NMNAT1: variants seen among roughly 807,000 people sequenced by gnomAD.
The protein encoded by NMNAT1 is nicotinamide nucleotide adenylyltransferase 1.
A neutral mutation model predicts 16.7 loss-of-function variants in NMNAT1; 11 were observed. The ratio of observed to expected loss-of-function variants is 0.66; its 90% confidence interval spans 0.41 to 1.09. The LOEUF is 1.09. Ranked by LOEUF, NMNAT1 falls within the 50% of genes least tolerant of loss-of-function variation. The pLI, the probability that NMNAT1 is intolerant of heterozygous loss-of-function variation, is 0.00. For missense variants in NMNAT1, 280 were observed against 332.3 expected, an observed-to-expected ratio of 0.84 and a Z score of 1.22; for synonymous variants, 110 against 119.8, an observed-to-expected ratio of 0.92 and a Z score of 0.53.
the NMNAT1 span, among the ~76,000 whole-genome samples, chr1:9,996,764 A>T: frequency 6.6e-6 from 1 of 152,132 alleles, no homozygotes; most frequent in Non-Finnish European, 1.5e-5. Context: ...CACCAGAGTC[A>T]CAGAGACGAA....
At chr1:9,976,938 C>G (rs1210729450) in intron 3 of NMNAT1, among the ~76,000 whole-genome samples, 2 of 148,138 alleles carry the variant, frequency 1.4e-5, no homozygotes, top group Non-Finnish European at 3.0e-5. Context: ...TAGAGGTTCA[C>G]TCTTGTTGCC....
At chr1:9,996,309 C>CAAAA in the NMNAT1 span, among the ~76,000 whole-genome samples, 1 of 101,914 alleles carries the variant, frequency 9.8e-6, no homozygotes, top group African/African-American at 3.8e-5. Context: ...GACTCCGTCT[C>CAAAA]AAAAAAAAAA....
rs201530407 is a variant in NMNAT1, at chr1:9,972,131, A to G, written c.58A>G (p.Ile20Val). ...VLLACGSFNP[I>V]TNMHLRLFEL... The stretch of plus-strand genomic sequence containing the variant: ...CCTTGCTTGTGGTTCATTCAATCCC[A>G]TCACCAACATGCACCTCAGGTTGTT... The change falls in exon 2 of 5, where the codon ATC becomes GTC. Residue 20 changes from isoleucine (I) to valine (V), a missense_variant. Physicochemically the swap from Ile to Val is conservative, Grantham distance 29. Transcript: ENST00000377205. 29 of 1,612,708 alleles carry G rather than the reference A, an allele frequency of 1.8e-5. No homozygotes were observed. The highest frequency in any genetic ancestry group is 2.4e-5 in the Non-Finnish European group (28 of 1,178,758).
intron 3 of NMNAT1, among the ~76,000 whole-genome samples, chr1:9,977,675 T>G (rs1641845680): frequency 6.6e-6 from 1 of 151,918 alleles, no homozygotes; most frequent in Non-Finnish European, 1.5e-5. Context: ...AAGACAAGCC[T>G]GGCCAACATG....
At chr1:9,968,329 C>T (rs981416690) in intron 1 of NMNAT1, among the ~76,000 whole-genome samples, 3 of 151,382 alleles carry the variant, frequency 2.0e-5, no homozygotes, top group Non-Finnish European at 4.4e-5. Flanking sequence ...ATCTTGGCCT[C>T]CCAAAGTGCT....
At chr1:9,948,788 A>G (rs528725611) in intron 1 of NMNAT1, among the ~76,000 whole-genome samples, 39 of 151,586 alleles carry the variant, frequency 2.6e-4, no homozygotes, top group African/African-American at 8.9e-4. Context: ...TAGCTGGTAC[A>G]GGCACCCGCC....
chr1:9,989,083 A>C (rs2101722941), downstream of NMNAT1, among the ~76,000 whole-genome samples: 1 of 152,248 alleles, frequency 6.6e-6, no homozygotes, highest in South Asian at 2.1e-4. Flanking sequence ...TATGGCCCAA[A>C]GTGAGCATTT....
chr1:9,958,002 T>C (rs1033163118), intron 1 of NMNAT1, among the ~76,000 whole-genome samples: 3 of 152,190 alleles, frequency 2.0e-5, no homozygotes, highest in Admixed American at 6.6e-5. Flanking sequence ...TTGTCTCCTA[T>C]TTAATGGCTT....
intron 1 of NMNAT1, 127 bp from the exon 2 acceptor site, chr1:9,971,891 G>A: frequency 1.9e-6 from 1 of 538,762 alleles, no homozygotes; most frequent in Non-Finnish European, 3.4e-6. Flanking sequence ...CATCACTTGA[G>A]CCCAGAAGTT....
downstream of NMNAT1, among the ~76,000 whole-genome samples, chr1:9,989,395 T>C (rs1642083399): frequency 1.3e-5 from 2 of 151,354 alleles, no homozygotes; most frequent in African/African-American, 4.9e-5. Context: ...GAGGCGGAGG[T>C]TGCACTGAGC....
chr1:9,954,800 G>A (rs923180235), intron 1 of NMNAT1, among the ~76,000 whole-genome samples: 4 of 151,360 alleles, frequency 2.6e-5, no homozygotes, highest in Non-Finnish European at 4.4e-5. Context: ...GTGTGGTGGC[G>A]CGTGCCTGTA....
At chr1:9,989,106 G>T (rs558825023), downstream of NMNAT1, among the ~76,000 whole-genome samples, 1 of 152,036 alleles carries the variant, frequency 6.6e-6, no homozygotes, top group African/African-American at 2.4e-5. Context: ...ATCCCTGTTT[G>T]CCCTCTTGAA....
intron 3 of NMNAT1, among the ~76,000 whole-genome samples, chr1:9,977,725 G>C (rs987605204): frequency 6.6e-6 from 1 of 151,972 alleles, no homozygotes; most frequent in African/African-American, 2.4e-5. Context: ...AATTAGCTGG[G>C]CCCATACCTG....
At chr1:9,994,540 C>G in the NMNAT1 span, among the ~76,000 whole-genome samples, 1 of 152,136 alleles carries the variant, frequency 6.6e-6, no homozygotes, top group African/African-American at 2.4e-5. Context: ...AAGCGATTCT[C>G]CTGCCTCAGC....
At chr1:9,975,832 T>A (rs1478967007) in intron 3 of NMNAT1, 57 bp downstream of exon 3, 1 of 1,355,952 alleles carries the variant, frequency 7.4e-7, no homozygotes, top group Non-Finnish European at 1.0e-6. Context: ...GCGGCTTATG[T>A]TTTTACCATG....
intron 3 of NMNAT1, among the ~76,000 whole-genome samples, chr1:9,980,813 C>T (rs1288511302): frequency 2.6e-5 from 4 of 151,632 alleles, no homozygotes; most frequent in South Asian, 2.1e-4. Flanking sequence ...CCCGCCACCA[C>T]ACCCGGCTAA....
intron 1 of NMNAT1, among the ~76,000 whole-genome samples, chr1:9,962,806 CG>C (rs1641455514): frequency 6.6e-6 from 1 of 151,530 alleles, no homozygotes; most frequent in Non-Finnish European, 1.5e-5. Flanking sequence ...CTCAGCCTCC[CG>C]AGTAGCTGGG....
intron 1 of NMNAT1, among the ~76,000 whole-genome samples, chr1:9,957,047 G>A (rs945895465): frequency 1.3e-5 from 2 of 149,628 alleles, no homozygotes; most frequent in East Asian, 4.0e-4. Flanking sequence ...TTTTATTTTT[G>A]AGGTGGAGTT....
In NMNAT1 at chr1:9,981,466, A is replaced by C. The variant is rs1641948140; in HGVS notation, c.439+296A>C. On this transcript the variant is annotated intron_variant, in intron 4 of 4. Transcript: ENST00000377205. ...TAGCCAGGATGGTCTTGATCTCCTGACCTCATGATCCGCCCACCTCGGCCT... is the reference window on the plus strand; with the variant it reads ...TAGCCAGGATGGTCTTGATCTCCTGCCCTCATGATCCGCCCACCTCGGCCT... The C allele has an allele frequency of 1.7e-5, 4 of 240,272 alleles. No homozygotes were observed. In the South Asian group the frequency reaches 2.1e-4, roughly 13 times the overall value. 14.9% of individuals were successfully genotyped at this position (240,272 alleles called of 1,614,324 possible). A position where few individuals can be genotyped will look rare whatever the true frequency, so the allele number is the denominator to read the frequency against.
Sources: gnomAD v4.1 joint callset for allele counts (sites outside exome capture counted in the v4.1 genomes callset) on GRCh38, gnomAD v4.1.1 for gene constraint, MANE v1.5 for transcripts, NCBI Gene and HGNC (gene_info 2026-07-23, HGNC 2026-07-21) for gene names.